The following CRB1 variants were observed in gnomAD, a reference collection of about 807,000 sequenced individuals.
CRB1 encodes the protein crumbs cell polarity complex component 1.
Under a neutral mutation model 120.0 loss-of-function variants are expected in CRB1, and 83 were observed. The observed-to-expected ratio is 0.69, with a 90% CI of 0.58 to 0.83. CRB1 has a LOEUF of 0.83. CRB1 is among the 40% of genes least tolerant of loss of function. The pLI is 0.00. For missense variants in CRB1, 1,699 were observed against 1,687.6 expected (o/e 1.01, Z -0.12); for synonymous variants, 625 against 612.5 (o/e 1.02, Z -0.30).
At chr1:197,322,102 T>A (rs553723826) in intron 1 of CRB1, among the ~76,000 whole-genome samples, 11 of 152,172 alleles carry the variant, frequency 7.2e-5, no homozygotes, top group Non-Finnish European at 1.6e-4. Flanking sequence ...ACTTGAAATG[T>A]GACTAAAATT....
the CRB1 span, among the ~76,000 whole-genome samples, chr1:197,214,174 A>G: frequency 3.3e-5 from 5 of 152,206 alleles, no homozygotes; most frequent in South Asian, 1.0e-3. Context: ...AAAACAATAG[A>G]GAAGACTCAA....
chr1:197,324,775 A>C (rs964580224), intron 1 of CRB1, among the ~76,000 whole-genome samples: 7 of 152,226 alleles, frequency 4.6e-5, no homozygotes, highest in African/African-American at 1.7e-4. Context: ...ACTGAGGCTC[A>C]GTGAAAATGT....
At chr1:197,262,279 G>A in the CRB1 span, among the ~76,000 whole-genome samples, 2 of 151,998 alleles carry the variant, frequency 1.3e-5, no homozygotes, top group East Asian at 3.9e-4. Flanking sequence ...ACTATGTTCT[G>A]GATCTTCACT....
chr1:197,223,246 A>C, the CRB1 span: 1 of 1,011,972 alleles, frequency 9.9e-7, no homozygotes, highest in Non-Finnish European at 1.5e-6. Flanking sequence ...AGAAGATTCG[A>C]ATAGATTGAA....
At chr1:197,396,798 A>T (rs1662795138) in intron 5 of CRB1, among the ~76,000 whole-genome samples, 1 of 152,198 alleles carries the variant, frequency 6.6e-6, no homozygotes, top group South Asian at 2.1e-4. Flanking sequence ...ATTTTATACA[A>T]TCAAATGCAA....
chr1:197,267,773 A>G (rs1571734990), upstream of CRB1, among the ~76,000 whole-genome samples: 1 of 152,330 alleles, frequency 6.6e-6, no homozygotes, highest in East Asian at 1.9e-4. Context: ...AATTTCATGA[A>G]CCGAGAATAA....
intron 11 of CRB1, chr1:197,444,025 T>C (rs1665584302): frequency 6.6e-6 from 1 of 152,214 alleles, no homozygotes; most frequent in South Asian, 2.1e-4. Context: ...GGAGCTGTCC[T>C]GGTTTGAAAA....
the CRB1 span, among the ~76,000 whole-genome samples, chr1:197,252,588 G>A: frequency 0.015 from 959 of 62,736 alleles, 3 homozygotes; most frequent in Non-Finnish European, 0.024. Context: ...ATATATGTGT[G>A]TGTGTGTGTG....
chr1:197,444,584 A>G (rs946036478), intron 11 of CRB1: 1 of 152,190 alleles, frequency 6.6e-6, no homozygotes, highest in Admixed American at 6.5e-5. Flanking sequence ...TATGTTCTCT[A>G]CCAAATGTGG....
At chr1:197,352,133 T>C (rs1660143564) in intron 4 of CRB1, among the ~76,000 whole-genome samples, 1 of 152,210 alleles carries the variant, frequency 6.6e-6, no homozygotes, top group Non-Finnish European at 1.5e-5. Context: ...ACAAACATAA[T>C]ATAAGAACCC....
At chr1:197,318,695 A>C (rs925778959) in intron 1 of CRB1, among the ~76,000 whole-genome samples, 3 of 152,226 alleles carry the variant, frequency 2.0e-5, no homozygotes, top group Admixed American at 6.5e-5. Context: ...TTCCAGGAAC[A>C]TGGATGAACC....
chr1:197,236,823 A>G, the CRB1 span, among the ~76,000 whole-genome samples: 1 of 152,158 alleles, frequency 6.6e-6, no homozygotes, highest in Non-Finnish European at 1.5e-5. Flanking sequence ...TTGATTTGCT[A>G]ATGTTGAACC....
chr1:197,296,430 C>T (rs1656524211), intron 1 of CRB1, among the ~76,000 whole-genome samples: 2 of 151,918 alleles, frequency 1.3e-5, no homozygotes, highest in Non-Finnish European at 2.9e-5. Context: ...ATTTAAATTT[C>T]TACTTGTGTT....
intron 3 of CRB1, 110 bp downstream of exon 3, chr1:197,344,586 G>A (rs1396678716): frequency 5.9e-6 from 6 of 1,009,984 alleles, no homozygotes; most frequent in African/African-American, 1.6e-5. Flanking sequence ...AATTTGGGGT[G>A]TAACTTTATA....
chr1:197,286,426 G>T, intron 1 of CRB1, among the ~76,000 whole-genome samples: 1 of 151,892 alleles, frequency 6.6e-6, no homozygotes. Flanking sequence ...AGCTAGAACA[G>T]AATTAAAACT....
intron 10 of CRB1, chr1:197,441,818 G>A (rs1335566137): frequency 6.7e-6 from 2 of 298,526 alleles, no homozygotes; most frequent in Non-Finnish European, 1.3e-5. Context: ...CTAATAAACT[G>A]AACATTTATA....
chr1:197,237,680 T>C, the CRB1 span, among the ~76,000 whole-genome samples: 13 of 152,344 alleles, frequency 8.5e-5, no homozygotes, highest in East Asian at 9.6e-4. Flanking sequence ...TCCTTTTTAT[T>C]GTCCATGGGA....
intron 5 of CRB1, among the ~76,000 whole-genome samples, chr1:197,376,747 G>T (rs1261564372): frequency 6.6e-6 from 1 of 152,074 alleles, no homozygotes; most frequent in Non-Finnish European, 1.5e-5. Context: ...ACACAGCTTT[G>T]GTAGTAACAT....
In CRB1 at chr1:197,433,417, A is replaced by G. The variant is rs75331378; in HGVS notation, c.2843-1289A>G. Reference sequence around the variant, plus strand: ...TGCTACTGAAAAGTGTGATACAATAAAAGTAGATAATTGGCCACTGCATTG... The same window carrying G: ...TGCTACTGAAAAGTGTGATACAATAGAAGTAGATAATTGGCCACTGCATTG... On this transcript the variant is annotated intron_variant, in intron 8 of 11. Transcript: ENST00000367400. Among the ~76,000 whole-genome samples, 57 of 152,246 alleles carry G rather than the reference A, an allele frequency of 3.7e-4. No homozygotes were observed. In the East Asian group the frequency reaches 9.7e-3, roughly 26 times the overall value.
Sources: allele counts gnomAD v4.1 joint callset (sites outside exome capture counted in the v4.1 genomes callset), GRCh38; gene constraint gnomAD v4.1.1; transcripts MANE v1.5; gene names NCBI Gene and HGNC (gene_info 2026-07-23, HGNC 2026-07-21).